The following KCNK4 variants were observed in gnomAD, a reference collection of about 807,000 sequenced individuals.
KCNK4 encodes the protein potassium channel subfamily K member 4.
KCNK4 carries 22 observed loss-of-function variants against 28.8 expected under a neutral mutation model. The observed-to-expected ratio is 0.76, with a 90% CI of 0.55 to 1.09. The LOEUF (loss-of-function observed/expected upper bound fraction) is 1.09. Among genes scored for constraint, KCNK4 ranks in the 50% least tolerant of loss-of-function variants. The probability of loss-of-function intolerance (pLI) is 0.00; values close to 1 mark genes in which losing one functional copy is unlikely to be tolerated. For missense variants in KCNK4, 483 were observed against 546.3 expected, an observed-to-expected ratio of 0.88 and a Z score of 1.15; for synonymous variants, 263 against 252.9, an observed-to-expected ratio of 1.04 and a Z score of -0.38.
chr11:64,297,070 G>A, intron 3 of KCNK4, 49 bp from the exon 4 acceptor site: 1 of 1,611,150 alleles, frequency 6.2e-7, no homozygotes, highest in Non-Finnish European at 8.5e-7. Flanking sequence ...CAGGGAGACG[G>A]AGGGGTCCCA....
In KCNK4 at chr11:64,299,334, C is replaced by T; in HGVS notation, c.802-12C>T. 3 of 1,526,852 alleles carry T rather than the reference C, an allele frequency of 2.0e-6. No individual in the cohort carries two copies. The highest frequency in any genetic ancestry group is 2.6e-6 in the Non-Finnish European group (3 of 1,138,496). 94.6% of individuals were successfully genotyped at this position (1,526,852 alleles called of 1,614,324 possible). ...GACCTCTAGTCGAGGGCTGCTTTCC[C>T]TCTCCGTGCAGATGGGCGGCCTCAC... On this transcript the variant is annotated splice_polypyrimidine_tract_variant and intron_variant, in intron 6 of 6. Transcript: ENST00000422670.
chr11:64,297,413 G>T, intron 4 of KCNK4, 54 bp from the exon 5 acceptor site: 1 of 1,600,448 alleles, frequency 6.2e-7, no homozygotes, highest in Non-Finnish European at 8.5e-7. Context: ...TGGGGAGTAT[G>T]GGAGTGGGGA....
chr11:64,292,985 G>A lies in KCNK4; in HGVS notation c.-34G>A, dbSNP rs2034674378. ...AGCCCCCCGCCCGGCCCCTCCAGGCGGGCAGTGGAGCTGGCCCGGCGCCTG... is the reference window on the plus strand; with the variant it reads ...AGCCCCCCGCCCGGCCCCTCCAGGCAGGCAGTGGAGCTGGCCCGGCGCCTG... On this transcript the variant is annotated 5_prime_UTR_variant, in exon 2 of 7. Transcript: ENST00000422670. The A allele has an allele frequency of 1.3e-6, 2 of 1,517,778 alleles. No homozygotes were observed. The highest frequency in any genetic ancestry group is 1.8e-6 in the Non-Finnish European group (2 of 1,134,728). The allele number at this position is 1,517,778 out of a possible 1,614,324, so 94.0% of individuals were successfully genotyped here.
chr11:64,296,459 C>A (rs921319644), intron 2 of KCNK4, among the ~76,000 whole-genome samples: 4 of 151,798 alleles, frequency 2.6e-5, no homozygotes, highest in Admixed American at 6.6e-5. Flanking sequence ...CTTTGTTGCA[C>A]GTTCACAAAA....
intron 2 of KCNK4, among the ~76,000 whole-genome samples, chr11:64,294,018 C>A (rs2034705096): frequency 6.6e-6 from 1 of 152,174 alleles, no homozygotes; most frequent in African/African-American, 2.4e-5. Context: ...TAGAAAAGCC[C>A]AAGAACATGG....
intron 2 of KCNK4, among the ~76,000 whole-genome samples, chr11:64,293,558 C>A (rs1054983616): frequency 6.6e-6 from 1 of 152,214 alleles, no homozygotes; most frequent in Admixed American, 6.5e-5. Context: ...GATTGCCACA[C>A]AAAATCCAAG....
intron 1 of KCNK4, 52 bp from the exon 2 acceptor site, chr11:64,292,890 T>G: frequency 7.0e-7 from 1 of 1,419,814 alleles, no homozygotes; most frequent in Admixed American, 2.9e-5. Context: ...AGGAGGAGGG[T>G]GTGGGTGTCA....
At position 64,299,948 on chromosome 11, in the gene KCNK4, C is replaced by A; in HGVS notation, c.*222C>A. ...GTCGCTGCCCCGGGCGGGTGTATCCCTCACAGCACCTCACGACTGTGCCTC... is the reference window on the plus strand; with the variant it reads ...GTCGCTGCCCCGGGCGGGTGTATCCATCACAGCACCTCACGACTGTGCCTC... On this transcript the variant is annotated 3_prime_UTR_variant, in exon 7 of 7. Transcript: ENST00000422670. The A allele has an allele frequency of 1.4e-6, 1 of 727,736 alleles. No individual in the cohort carries two copies. Among genetic ancestry groups the A allele is most frequent in the South Asian group, 1.8e-5 (1 of 55,394 alleles). The allele number at this position is 727,736 out of a possible 1,614,324, so 45.1% of individuals were successfully genotyped here. A position where few individuals can be genotyped will look rare whatever the true frequency, so the allele number is the denominator to read the frequency against.
In KCNK4 at chr11:64,299,336, C is replaced by G; in HGVS notation, c.802-10C>G. 1 of 1,532,378 alleles carries G rather than the reference C, an allele frequency of 6.5e-7. No individual in the cohort carries two copies. Among genetic ancestry groups the G allele is most frequent in the South Asian group, 1.2e-5 (1 of 80,286 alleles). 94.9% of individuals were successfully genotyped at this position (1,532,378 alleles called of 1,614,324 possible). ...CCTCTAGTCGAGGGCTGCTTTCCCTCTCCGTGCAGATGGGCGGCCTCACGG... is the reference window on the plus strand; with the variant it reads ...CCTCTAGTCGAGGGCTGCTTTCCCTGTCCGTGCAGATGGGCGGCCTCACGG... On this transcript the variant is annotated splice_polypyrimidine_tract_variant and intron_variant, in intron 6 of 6. Transcript: ENST00000422670.
intron 5 of KCNK4, 100 bp downstream of exon 5, chr11:64,297,753 T>C: frequency 7.9e-7 from 1 of 1,258,946 alleles, no homozygotes; most frequent in South Asian, 1.4e-5. Flanking sequence ...GTGGTTGCTC[T>C]AACCCCTGCA....
At chr11:64,297,047 A>G (rs2135231449) in intron 3 of KCNK4, 46 bp downstream of exon 3, 1 of 1,594,616 alleles carries the variant, frequency 6.3e-7, no homozygotes. Flanking sequence ...GAGCTTCCTC[A>G]TGGGGGAAGG....
intron 2 of KCNK4, among the ~76,000 whole-genome samples, chr11:64,294,333 T>C (rs2034713324): frequency 6.6e-6 from 1 of 151,780 alleles, no homozygotes; most frequent in Non-Finnish European, 1.5e-5. Flanking sequence ...GCCTGGCCAA[T>C]GTGGCAAAAC....
Position 64,297,219 on chromosome 11 carries a change from C to CG in KCNK4, c.418dup (p.Asp140GlyfsTer15), listed in dbSNP as rs779684615. ...TGTTTGGGATCCTACTGGCAGGGGTCGGGGACCGGCTGGGCTCCTCCCTGC... is the reference window on the plus strand; with the variant it reads ...TGTTTGGGATCCTACTGGCAGGGGTCGGGGGACCGGCTGGGCTCCTCCCTGC... On this transcript the variant is annotated frameshift_variant, in exon 4 of 7. Transcript: ENST00000422670. LOFTEE classifies it high-confidence loss of function. 1 of 1,613,994 alleles carries CG rather than the reference C, an allele frequency of 6.2e-7. No homozygotes were observed. Among genetic ancestry groups the CG allele is most frequent in the African/African-American group, 1.3e-5 (1 of 75,020 alleles).
Position 64,296,869 on chromosome 11 carries a change from G to A in KCNK4, c.190-9G>A, listed in dbSNP as rs373760983. ...ACTGAAGCTCCTCCTTCTGCACCTTGTCCTGCAGGAGGTGGCTGATGCCCT... is the reference window on the plus strand; with the variant it reads ...ACTGAAGCTCCTCCTTCTGCACCTTATCCTGCAGGAGGTGGCTGATGCCCT... On this transcript the variant is annotated splice_polypyrimidine_tract_variant and intron_variant, in intron 2 of 6. Coordinates refer to ENST00000422670, the MANE Select transcript of KCNK4 (RefSeq NM_033310.3). 15 of 1,509,158 alleles carry A rather than the reference G, an allele frequency of 9.9e-6. No homozygotes were observed. In the African/African-American group the frequency reaches 2.1e-4, roughly 21 times the overall value. The allele number at this position is 1,509,158 out of a possible 1,614,324, so 93.5% of individuals were successfully genotyped here.
At chr11:64,294,410 C>T (rs1346381039) in intron 2 of KCNK4, among the ~76,000 whole-genome samples, 1 of 146,090 alleles carries the variant, frequency 6.8e-6, no homozygotes, top group Non-Finnish European at 1.5e-5. Context: ...CCCAGCTACT[C>T]GGGAGGCTGA....
At chr11:64,293,748 T>C (rs2034698400) in intron 2 of KCNK4, among the ~76,000 whole-genome samples, 1 of 152,008 alleles carries the variant, frequency 6.6e-6, no homozygotes, top group Non-Finnish European at 1.5e-5. Context: ...TTACAGGGAT[T>C]CATCACCACA....
At position 64,293,210 on chromosome 11, in the gene KCNK4, G is replaced by A. The variant is rs958013446; in HGVS notation, c.189+3G>A. Reference sequence around the variant, plus strand: ...AGGAGCTGGGCCTCCTCATCAAGGTGCGTGGGTGGGCCGCAGCCCCTTCAG... The same window carrying A: ...AGGAGCTGGGCCTCCTCATCAAGGTACGTGGGTGGGCCGCAGCCCCTTCAG... On this transcript the variant is annotated splice_donor_region_variant and intron_variant, in intron 2 of 6. Transcript: ENST00000422670. 5.5e-6 allele frequency: 8 copies of A among 1,449,952 alleles called. No individual in the cohort carries two copies. The highest frequency in any genetic ancestry group is 1.4e-5 in the African/African-American group (1 of 69,168). The allele number at this position is 1,449,952 out of a possible 1,614,324, so 89.8% of individuals were successfully genotyped here.
chr11:64,298,523 G>A (rs2034835486), intron 6 of KCNK4, among the ~76,000 whole-genome samples: 1 of 152,098 alleles, frequency 6.6e-6, no homozygotes, highest in African/African-American at 2.4e-5. Flanking sequence ...CTCTAGAAAA[G>A]GCACAAAAAT....
chr11:64,293,118 C>A lies in KCNK4; in HGVS notation c.100C>A (p.Gln34Lys). The A allele has an allele frequency of 6.5e-7, 1 of 1,546,872 alleles. No individual in the cohort carries two copies. The highest frequency in any genetic ancestry group is 8.7e-7 in the Non-Finnish European group (1 of 1,145,002). ...FRALEQPHEQQAQRELGEVRE... is the reference protein window; with the variant it reads ...FRALEQPHEQKAQRELGEVRE... ...GGCCCTGGAGCAGCCCCACGAGCAG[C>A]AGGCCCAGAGGGAGCTGGGGGAGGT... The change falls in exon 2 of 7, where the codon CAG becomes AAG. Residue 34 changes from glutamine to lysine, a missense_variant. Physicochemically the swap from Gln to Lys is moderately conservative, Grantham distance 53 (BLOSUM62 1). Transcript: ENST00000422670.
Sources: gnomAD v4.1 joint callset for allele counts (sites outside exome capture counted in the v4.1 genomes callset) on GRCh38, gnomAD v4.1.1 for gene constraint, MANE v1.5 for transcripts, NCBI Gene and HGNC (gene_info 2026-07-23, HGNC 2026-07-21) for gene names.